Variants in EPM2A observed in about 807,000 individuals in gnomAD.
EPM2A encodes the protein EPM2A glucan phosphatase, laforin.
A neutral mutation model predicts 26.5 loss-of-function variants in EPM2A; 21 were observed. The observed-to-expected ratio is 0.79, with a 90% CI of 0.56 to 1.14. EPM2A has a LOEUF of 1.14. Among genes scored for constraint, EPM2A ranks in the 50% most tolerant of loss-of-function variants. The pLI, the probability that EPM2A is intolerant of heterozygous loss-of-function variation, is 0.00. For missense variants in EPM2A, 458 were observed against 440.8 expected, an observed-to-expected ratio of 1.04 and a Z score of -0.35; for synonymous variants, 217 against 177.6, an observed-to-expected ratio of 1.22 and a Z score of -1.76.
Position 145,440,813 on chromosome 6 carries a change from G to A in EPM2A, c.556-56716C>T, listed in dbSNP as rs1408178273. 2.0e-5 allele frequency among the ~76,000 whole-genome samples: 3 copies of A among 152,188 alleles called. No homozygotes were observed. In the East Asian group the frequency reaches 5.8e-4, roughly 29 times the overall value. On this transcript the variant is annotated intron_variant, in intron 4 of 4. Transcript: ENST00000638717. ...GTAACAGGTGGGCTCCCACAGAGTT[G>A]GGCAGCTCTGCCCTATGGCCTTGCA...
intron 2 of EPM2A, among the ~76,000 whole-genome samples, chr6:145,530,455 T>C (rs755654484): frequency 3.3e-5 from 5 of 151,682 alleles, no homozygotes; most frequent in South Asian, 4.1e-4. Context: ...GCAGAAGCCA[T>C]TGATACAGAA....
chr6:145,695,173 G>C (rs750462560), intron 1 of EPM2A, among the ~76,000 whole-genome samples: 4 of 151,940 alleles, frequency 2.6e-5, no homozygotes, highest in Non-Finnish European at 5.9e-5. Flanking sequence ...GTGGTAGGGA[G>C]GAGTAAACAT....
At chr6:145,521,957 T>C (rs1468805046) in intron 2 of EPM2A, among the ~76,000 whole-genome samples, 1 of 152,158 alleles carries the variant, frequency 6.6e-6, no homozygotes, top group Non-Finnish European at 1.5e-5. Flanking sequence ...AAGTATTGCA[T>C]GTTTGTTTTG....
At chr6:145,566,028 T>C (rs1426672927) in intron 2 of EPM2A, among the ~76,000 whole-genome samples, 1 of 152,190 alleles carries the variant, frequency 6.6e-6, no homozygotes, top group Non-Finnish European at 1.5e-5. Flanking sequence ...AATGAATGAA[T>C]GAATGAATGT....
At chr6:145,397,870 C>G (rs989259994) in intron 4 of EPM2A, among the ~76,000 whole-genome samples, 1 of 152,154 alleles carries the variant, frequency 6.6e-6, no homozygotes, top group Non-Finnish European at 1.5e-5. Flanking sequence ...TGATCAAACC[C>G]TAGTACTTAG....
At chr6:145,614,974 G>C (rs1196970172) in intron 2 of EPM2A, among the ~76,000 whole-genome samples, 2 of 152,192 alleles carry the variant, frequency 1.3e-5, no homozygotes, top group Admixed American at 6.5e-5. Flanking sequence ...GCACAATAAA[G>C]GGAAGCACAG....
chr6:145,428,737 AAAGATACTGCAG>A (rs1404609399), intron 4 of EPM2A, among the ~76,000 whole-genome samples: 1 of 152,248 alleles, frequency 6.6e-6, no homozygotes. Flanking sequence ...GTGAGGTAGA[AAAGATACTGCAG>A]AAGACCTTAA....
chr6:145,728,874 C>T (rs1304442438), intron 1 of EPM2A, among the ~76,000 whole-genome samples: 2 of 152,224 alleles, frequency 1.3e-5, no homozygotes, highest in East Asian at 3.8e-4. Flanking sequence ...AGCAGCCCCT[C>T]TCACCACAAG....
At chr6:145,660,136 G>A (rs1195249887) in intron 2 of EPM2A, among the ~76,000 whole-genome samples, 1 of 152,112 alleles carries the variant, frequency 6.6e-6, no homozygotes, top group African/African-American at 2.4e-5. Context: ...TCTCTAGCAT[G>A]AGACTATTAG....
Position 145,625,914 on chromosome 6 carries a change from A to T in EPM2A, c.*1502T>A. ...AAAAATAAATACGCATCATAGTTTA[A>T]TTAGGAAAGTAAGGGCTTTGAATCA... On this transcript the variant is annotated 3_prime_UTR_variant, in exon 4 of 4. Coordinates refer to ENST00000367519, the MANE Select transcript of EPM2A (RefSeq NM_005670.4). The T allele has an allele frequency of 7.0e-7, 1 of 1,423,802 alleles. No individual in the cohort carries two copies. The highest frequency in any genetic ancestry group is 9.2e-7 in the Non-Finnish European group (1 of 1,084,330). 88.2% of individuals were successfully genotyped at this position (1,423,802 alleles called of 1,614,324 possible).
At position 145,453,505 on chromosome 6, in the gene EPM2A, A is replaced by C. The variant is rs145009998; in HGVS notation, c.555+49017T>G. 3.1e-3 allele frequency among the ~76,000 whole-genome samples: 469 copies of C among 152,280 alleles called. 9 individuals carry two copies. The East Asian group carries it at 0.054, about 17-fold the overall frequency. On this transcript the variant is annotated intron_variant, in intron 4 of 4. Coordinates refer to the EPM2A transcript ENST00000638717. ...TTAAACCAAAAGAAAAAAAAACCAAACAAACAAAAAGATAACAAATAAAAC... is the reference window on the plus strand; with the variant it reads ...TTAAACCAAAAGAAAAAAAAACCAACCAAACAAAAAGATAACAAATAAAAC...
chr6:145,674,548 G>T (rs1779881949), intron 2 of EPM2A, among the ~76,000 whole-genome samples: 2 of 152,092 alleles, frequency 1.3e-5, no homozygotes, highest in African/African-American at 4.8e-5. Flanking sequence ...CTTGAAAAAA[G>T]GTTAGACAAA....
At chr6:145,612,781 A>G (rs939206810) in intron 2 of EPM2A, among the ~76,000 whole-genome samples, 2 of 148,922 alleles carry the variant, frequency 1.3e-5, no homozygotes, top group African/African-American at 4.9e-5. Context: ...ATATACCTTA[A>G]GTAAAAATAC....
chr6:145,658,896 T>A (rs1169845486), intron 2 of EPM2A, among the ~76,000 whole-genome samples: 1 of 152,196 alleles, frequency 6.6e-6, no homozygotes, highest in Non-Finnish European at 1.5e-5. Flanking sequence ...TATTTGTTCC[T>A]TAGGCTTAGA....
chr6:145,728,460 A>G (rs1056893875), intron 1 of EPM2A, among the ~76,000 whole-genome samples: 18 of 152,166 alleles, frequency 1.2e-4, no homozygotes, highest in African/African-American at 3.6e-4. Context: ...CTTACTGGGA[A>G]CTACAGTAGT....
At chr6:145,513,791 T>A (rs1780087468) in intron 2 of EPM2A, among the ~76,000 whole-genome samples, 1 of 152,226 alleles carries the variant, frequency 6.6e-6, no homozygotes, top group Non-Finnish European at 1.5e-5. Flanking sequence ...AAGCCAGCCA[T>A]CTCTCTTATC....
In EPM2A at chr6:145,541,907, A is replaced by T. The variant is rs115313679; in HGVS notation, c.341-39332T>A. On this transcript the variant is annotated intron_variant, in intron 2 of 3. Transcript: ENST00000450221. ...TTATACATTTCCAAGTAATATGTCG[A>T]TTTTTGGATAATTTTTCTTACCTTT... Among the ~76,000 whole-genome samples, 758 of 152,234 alleles carry T rather than the reference A, an allele frequency of 5.0e-3. 4 individuals are homozygous for T. The highest frequency in any genetic ancestry group is 0.018 in the African/African-American group (738 of 41,542).
chr6:145,663,389 C>G (rs376383998), intron 2 of EPM2A, among the ~76,000 whole-genome samples: 2,098 of 152,170 alleles, frequency 0.014, 41 homozygotes, highest in African/African-American at 0.047. Flanking sequence ...TGGGCACAGG[C>G]CAGTGGGTGC....
chr6:145,593,203 T>C (rs1386874209), intron 2 of EPM2A, among the ~76,000 whole-genome samples: 1 of 152,060 alleles, frequency 6.6e-6, no homozygotes, highest in East Asian at 1.9e-4. Context: ...TTTTCAAGGA[T>C]AAAGGAGGAC....
Sources: gnomAD v4.1 joint callset for allele counts (sites outside exome capture counted in the v4.1 genomes callset) on GRCh38, gnomAD v4.1.1 for gene constraint, MANE v1.5 for transcripts, NCBI Gene and HGNC (gene_info 2026-07-23, HGNC 2026-07-21) for gene names.